OAT: variants seen among roughly 807,000 people sequenced by gnomAD.
The protein encoded by OAT is ornithine aminotransferase, mitochondrial.
A neutral mutation model predicts 48.4 loss-of-function variants in OAT; 35 were observed. The ratio of observed to expected loss-of-function variants is 0.72; its 90% CI spans 0.55 to 0.96. The LOEUF (loss-of-function observed/expected upper bound fraction) is 0.96, where lower values mean the gene tolerates loss of function less well. Among genes scored for constraint, OAT ranks in the 40% least tolerant of loss-of-function variants. OAT has a pLI of 0.00. For synonymous variants in OAT, 182 were observed against 198.4 expected (o/e 0.92, Z 0.70); for missense variants, 438 against 537.9 (o/e 0.81, Z 1.84).
rs267606923 is a variant in OAT, at chr10:124,405,551, C to T, written c.533G>A (p.Trp178Ter). 1 of 1,613,826 alleles carries T rather than the reference C, an allele frequency of 6.2e-7. No homozygotes were observed. The highest frequency in any genetic ancestry group is 8.5e-7 in the Non-Finnish European group (1 of 1,179,850). ...GGAGATAGCAGACAACGTCCTACCC[C>T]AGAAGTTCCCAGCTACAAAGGGGAA... ...AKIVFAAGNF[W>*]GRTLSAISSS... is the part of the protein sequence containing the mutation. The change falls in exon 5 of 10, where the codon TGG becomes TAG. Residue 178 changes from tryptophan (W) to a stop codon, truncating the protein, a stop_gained. Coordinates refer to ENST00000368845, the MANE Select transcript of OAT (RefSeq NM_000274.4). LOFTEE classifies it high-confidence loss of function.
At chr10:124,416,753 C>T (rs547073060) in intron 1 of OAT, among the ~76,000 whole-genome samples, 4 of 151,948 alleles carry the variant, frequency 2.6e-5, no homozygotes, top group South Asian at 2.1e-4. Context: ...GAATAGTCGG[C>T]GTAAAGTTGT....
intron 1 of OAT, among the ~76,000 whole-genome samples, chr10:124,415,436 A>C (rs1025829100): frequency 6.6e-5 from 10 of 152,144 alleles, no homozygotes; most frequent in African/African-American, 2.2e-4. Context: ...AGCTATTCTT[A>C]AGGTTTTTAA....
At chr10:124,411,673 G>A (rs1278214937) in intron 2 of OAT, among the ~76,000 whole-genome samples, 1 of 152,118 alleles carries the variant, frequency 6.6e-6, no homozygotes, top group African/African-American at 2.4e-5. Context: ...AAAATTAGCT[G>A]GGTGTGGTGG....
chr10:124,408,317 GTATATA>G lies in OAT; in HGVS notation c.520+219_520+224del, dbSNP rs1173599560. Among the ~76,000 whole-genome samples, 36 of 83,206 alleles carry G rather than the reference GTATATA, an allele frequency of 4.3e-4. No individual in the cohort carries two copies. In the East Asian group the frequency reaches 5.2e-3, roughly 12 times the overall value. 54.6% of individuals were successfully genotyped at this position (83,206 alleles called of 152,430 possible). A position where few individuals can be genotyped will look rare whatever the true frequency, so the allele number is the denominator to read the frequency against. ...TGTGTGTGTGTGTGTGTGTGTGTGT[GTATATA>G]TATATATATATATATATATATTTTT... On this transcript the variant is annotated intron_variant, in intron 4 of 9. Transcript: ENST00000368845.
chr10:124,411,547 G>A (rs1329492659), intron 2 of OAT, among the ~76,000 whole-genome samples: 1 of 152,160 alleles, frequency 6.6e-6, no homozygotes, highest in Non-Finnish European at 1.5e-5. Flanking sequence ...GCCAGGCGTG[G>A]TGGCTCACAC....
intron 4 of OAT, among the ~76,000 whole-genome samples, chr10:124,408,134 C>T (rs528922029): frequency 6.6e-6 from 1 of 151,750 alleles, no homozygotes; most frequent in East Asian, 1.9e-4. Context: ...AAGAAATAAT[C>T]CCAAGAAGAG....
At chr10:124,413,746 G>A (rs1167687403) in intron 1 of OAT, among the ~76,000 whole-genome samples, 1 of 152,132 alleles carries the variant, frequency 6.6e-6, no homozygotes, top group African/African-American at 2.4e-5. Context: ...ACTAGAGAGA[G>A]TCAAACTACA....
chr10:124,417,663 A>C (rs949065673), intron 1 of OAT, among the ~76,000 whole-genome samples: 2 of 152,176 alleles, frequency 1.3e-5, no homozygotes, highest in Non-Finnish European at 2.9e-5. Flanking sequence ...ATTCTAATGA[A>C]AGGAGTCTAT....
At chr10:124,400,369 A>G (rs1383555896) in intron 9 of OAT, among the ~76,000 whole-genome samples, 2 of 150,412 alleles carry the variant, frequency 1.3e-5, no homozygotes, top group Admixed American at 6.7e-5. Flanking sequence ...AATCGCTTGA[A>G]CCGGGGCATC....
intron 7 of OAT, 26 bp from the exon 8 acceptor site, chr10:124,401,865 C>A (rs766795636): frequency 1.3e-6 from 2 of 1,514,780 alleles, no homozygotes; most frequent in African/African-American, 2.7e-5. Flanking sequence ...TTCACCATGT[C>A]ATTTCTCAGC....
chr10:124,405,395 C>A, intron 5 of OAT, 41 bp downstream of exon 5: 1 of 1,611,342 alleles, frequency 6.2e-7, no homozygotes, highest in South Asian at 1.1e-5. Flanking sequence ...GCTTTAATTT[C>A]TATTCCCAAT....
chr10:124,408,742 T>C lies in OAT; in HGVS notation c.423A>G (p.Thr141=), dbSNP rs770910796. ...FNYHKVLPMN[T]GVEAGETACK... is the part of the protein sequence containing the mutation. ...TAACAAAAAAAGGAAATGTTTTACCTGTATTCATAGGAAGAACTTTGTGGT... is the reference window on the plus strand; with the variant it reads ...TAACAAAAAAAGGAAATGTTTTACCCGTATTCATAGGAAGAACTTTGTGGT... Residue 141 remains threonine (T), a splice_region_variant and synonymous_variant, in exon 3 of 10, where the codon ACA becomes ACG. Coordinates refer to ENST00000368845, the MANE Select transcript of OAT (RefSeq NM_000274.4). 1.3e-6 allele frequency: 2 copies of C among 1,598,834 alleles called. No homozygotes were observed. Among genetic ancestry groups the C allele is most frequent in the South Asian group, 1.1e-5 (1 of 90,698 alleles).
chr10:124,400,610 G>A (rs1038536304), intron 9 of OAT, among the ~76,000 whole-genome samples: 5 of 152,018 alleles, frequency 3.3e-5, no homozygotes, highest in African/African-American at 4.8e-5. Context: ...AAGATTAGCT[G>A]GGCGTGGTGA....
At chr10:124,406,042 G>T (rs1951567812) in intron 4 of OAT, 7 of 1,036,448 alleles carry the variant, frequency 6.8e-6, no homozygotes, top group Non-Finnish European at 8.1e-6. Flanking sequence ...TTGGAGAAAA[G>T]ATCCTCAAGC....
intron 1 of OAT, among the ~76,000 whole-genome samples, chr10:124,412,901 C>A (rs902905445): frequency 4.6e-5 from 7 of 152,156 alleles, no homozygotes; most frequent in African/African-American, 1.7e-4. Context: ...CAGTCCGATA[C>A]CATCAGGCAC....
At chr10:124,411,109 C>T (rs1225689410) in intron 2 of OAT, among the ~76,000 whole-genome samples, 1 of 128,854 alleles carries the variant, frequency 7.8e-6, no homozygotes, top group East Asian at 2.3e-4. Flanking sequence ...CATTGCACTC[C>T]AGCCTGGGTG....
intron 2 of OAT, 76 bp downstream of exon 2, chr10:124,411,897 T>G (rs1342262800): frequency 8.0e-7 from 1 of 1,247,952 alleles, no homozygotes; most frequent in South Asian, 1.2e-5. Flanking sequence ...AAATGTATAT[T>G]GTGAAAATAT....
chr10:124,413,267 T>TACACACACACACAC (rs58272470), intron 1 of OAT, among the ~76,000 whole-genome samples: 1 of 134,578 alleles, frequency 7.4e-6, no homozygotes, highest in African/African-American at 2.7e-5. Context: ...CATAAATACA[T>TACACACACACACAC]ACACACACAC....
At chr10:124,408,221 CA>C (rs1951636727) in intron 4 of OAT, among the ~76,000 whole-genome samples, 2 of 148,480 alleles carry the variant, frequency 1.3e-5, no homozygotes, top group South Asian at 4.2e-4. Flanking sequence ...ACAAGTATTT[CA>C]TCAGCAAATT....
Sources: allele counts gnomAD v4.1 joint callset (sites outside exome capture counted in the v4.1 genomes callset), GRCh38; gene constraint gnomAD v4.1.1; transcripts MANE v1.5; gene names NCBI Gene and HGNC (gene_info 2026-07-23, HGNC 2026-07-21).